Variants in CAMTA1 observed in about 807,000 individuals in gnomAD.
The protein encoded by CAMTA1 is calmodulin-binding transcription activator 1.
A neutral mutation model predicts 170.9 loss-of-function variants in CAMTA1; 27 were observed. That is an observed-to-expected ratio of 0.16 (90% CI 0.12 to 0.22). The LOEUF (loss-of-function observed/expected upper bound fraction) is 0.22, where lower values mean the gene tolerates loss of function less well. Among genes scored for constraint, CAMTA1 ranks in the 10% least tolerant of loss-of-function variants. The pLI is 1.00. For synonymous variants in CAMTA1, 833 were observed against 891.5 expected (o/e 0.93, Z 1.17); for missense variants, 1,619 against 2,217.2 (o/e 0.73, Z 5.42).
intron 5 of CAMTA1, among the ~76,000 whole-genome samples, chr1:7,427,679 A>G (rs1454732342): frequency 2.0e-5 from 3 of 152,122 alleles, no homozygotes; most frequent in Non-Finnish European, 4.4e-5. Flanking sequence ...ATTTTTAGCA[A>G]TGGGAAATTA....
intron 5 of CAMTA1, among the ~76,000 whole-genome samples, chr1:7,278,647 G>A (rs7549583): frequency 0.21 from 31,429 of 151,828 alleles, 3,486 homozygotes; most frequent in East Asian, 0.44. Context: ...CCAATCCTGA[G>A]TTTTTGACTT....
chr1:7,319,484 C>T (rs1430994769), intron 5 of CAMTA1, among the ~76,000 whole-genome samples: 1 of 152,112 alleles, frequency 6.6e-6, no homozygotes, highest in Admixed American at 6.5e-5. Flanking sequence ...TTGTAAGTTC[C>T]CTGAGGCCTC....
intron 6 of CAMTA1, among the ~76,000 whole-genome samples, chr1:7,627,762 A>G (rs905241698): frequency 1.3e-5 from 2 of 152,164 alleles, no homozygotes; most frequent in African/African-American, 2.4e-5. Context: ...TAGATTCTTT[A>G]TGTGTAAAGC....
At chr1:7,341,661 A>G (rs2083842879) in intron 5 of CAMTA1, among the ~76,000 whole-genome samples, 2 of 152,170 alleles carry the variant, frequency 1.3e-5, no homozygotes, top group African/African-American at 4.8e-5. Context: ...CATGGCTGCC[A>G]CCAGCCTAAT....
rs757682552 is a variant in CAMTA1, at chr1:7,751,365, C to T, written c.4856C>T (p.Thr1619Met). Residue 1619 changes from threonine to methionine, a missense_variant, in exon 20 of 23, where the codon ACG becomes ATG. Thr to Met is a moderately conservative substitution (Grantham distance 81, BLOSUM62 -1). Transcript: ENST00000303635. Reference sequence around the variant, plus strand: ...GGCAAAAGACGGCAGGCTCGCCGGACGGCTGTGATTGTACAACAGAAACTC... The same window carrying T: ...GGCAAAAGACGGCAGGCTCGCCGGATGGCTGTGATTGTACAACAGAAACTC... ...KCGKRRQARRTAVIVQQKLRS... is the reference protein window; with the variant it reads ...KCGKRRQARRMAVIVQQKLRS... The T allele has an allele frequency of 5.0e-6, 8 of 1,604,638 alleles. No homozygotes were observed. In the East Asian group the frequency reaches 8.9e-5, roughly 18 times the overall value.
intron 5 of CAMTA1, among the ~76,000 whole-genome samples, chr1:7,278,383 C>T (rs1282569841): frequency 1.3e-5 from 2 of 152,186 alleles, no homozygotes; most frequent in Admixed American, 1.3e-4. Context: ...ACAGCTCACT[C>T]TAGTGTCTTC....
At chr1:7,306,588 T>A (rs1477589843) in intron 5 of CAMTA1, among the ~76,000 whole-genome samples, 1 of 152,056 alleles carries the variant, frequency 6.6e-6, no homozygotes, top group African/African-American at 2.4e-5. Context: ...TTTAGTTTTC[T>A]TTTAAGAAAT....
intron 18 of CAMTA1, 49 bp downstream of exon 18, chr1:7,746,140 G>A (rs370200840): frequency 1.3e-6 from 2 of 1,582,280 alleles, no homozygotes; most frequent in Non-Finnish European, 1.7e-6. Flanking sequence ...AGATCAGAGA[G>A]GACAGATGAA....
Position 7,747,778 on chromosome 1 carries a change from A to G in CAMTA1, c.4686A>G (p.Lys1562=). The G allele has an allele frequency of 1.2e-6, 2 of 1,610,314 alleles. No individual in the cohort carries two copies. The highest frequency in any genetic ancestry group is 1.7e-4 in the Middle Eastern group (1 of 6,058). ...AVIQRCYRKY[K]QYALYKKMTQ... ...TTCAGCGTTGTTACAGAAAATATAA[A>G]CAGGTAAACCTCAGTTTTGCACCAC... The change falls in exon 19 of 23, where the codon AAA becomes AAG. Residue 1562 remains lysine, a synonymous_variant. Coordinates refer to ENST00000303635, the MANE Select transcript of CAMTA1 (RefSeq NM_015215.4).
chr1:7,755,182 C>T (rs1406629934), intron 21 of CAMTA1, among the ~76,000 whole-genome samples: 6 of 151,946 alleles, frequency 3.9e-5, no homozygotes, highest in Non-Finnish European at 7.4e-5. Context: ...AAAAAATTAG[C>T]TGGGCGTGGT....
chr1:6,951,190 A>C (rs2149475764), intron 3 of CAMTA1, among the ~76,000 whole-genome samples: 1 of 152,298 alleles, frequency 6.6e-6, no homozygotes, highest in South Asian at 2.1e-4. Flanking sequence ...AAAGGATAAA[A>C]ACTCACAGTT....
chr1:7,264,912 T>C (rs1668677371), intron 5 of CAMTA1, among the ~76,000 whole-genome samples: 1 of 152,190 alleles, frequency 6.6e-6, no homozygotes, highest in Non-Finnish European at 1.5e-5. Context: ...AAGTTTGACT[T>C]TTGTTTATAA....
At chr1:6,923,931 C>T (rs1361405273) in intron 3 of CAMTA1, among the ~76,000 whole-genome samples, 1 of 152,152 alleles carries the variant, frequency 6.6e-6, no homozygotes, top group Non-Finnish European at 1.5e-5. Context: ...AACAATTCCC[C>T]AAGGTGTAGA....
intron 3 of CAMTA1, among the ~76,000 whole-genome samples, chr1:7,021,637 A>G (rs1283142437): frequency 2.0e-5 from 3 of 152,218 alleles, no homozygotes; most frequent in Admixed American, 6.5e-5. Flanking sequence ...GATTGCGGTG[A>G]CAGTTTCCCA....
intron 5 of CAMTA1, among the ~76,000 whole-genome samples, chr1:7,261,858 T>C (rs1668226922): frequency 6.6e-6 from 1 of 152,254 alleles, no homozygotes; most frequent in South Asian, 2.1e-4. Context: ...TGACTTCTTT[T>C]TCTTTCAAAA....
intron 3 of CAMTA1, among the ~76,000 whole-genome samples, chr1:7,077,991 CACACACACACACACACAT>C (rs1639531435): frequency 1.2e-5 from 1 of 83,480 alleles, no homozygotes; most frequent in Admixed American, 1.0e-4. Flanking sequence ...AGCTTGCGTG[CACACACACACACACACAT>C]ACACACACTC....
chr1:7,435,273 G>A lies in CAMTA1; in HGVS notation c.439-32557G>A, dbSNP rs2092309911. Among the ~76,000 whole-genome samples, 1 of 152,140 alleles carries A rather than the reference G, an allele frequency of 6.6e-6. No homozygotes were observed. The highest frequency in any genetic ancestry group is 6.5e-5 in the Admixed American group (1 of 15,270). On this transcript the variant is annotated intron_variant, in intron 5 of 22. Coordinates refer to ENST00000303635, the MANE Select transcript of CAMTA1 (RefSeq NM_015215.4). The surrounding 1 kb of genome is among the most constrained non-coding windows in gnomAD (Gnocchi z 4.4). Reference sequence around the variant, plus strand: ...TTTGCCTAGACCTGCTGAGCTCACAGTCCAGTGGGGAGATCAGGCCCCAGG... The same window carrying A: ...TTTGCCTAGACCTGCTGAGCTCACAATCCAGTGGGGAGATCAGGCCCCAGG...
intron 22 of CAMTA1, among the ~76,000 whole-genome samples, chr1:7,763,446 C>T (rs778320773): frequency 6.6e-6 from 1 of 152,170 alleles, no homozygotes; most frequent in Non-Finnish European, 1.5e-5. Context: ...TCTCATTTTT[C>T]CTGCGTAGAC....
chr1:6,833,636 C>T (rs1651497264), intron 3 of CAMTA1, among the ~76,000 whole-genome samples: 1 of 152,128 alleles, frequency 6.6e-6, no homozygotes, highest in Admixed American at 6.5e-5. Context: ...TTGTATAAGT[C>T]TGTCATTAAG....
Sources: gnomAD v4.1 joint callset for allele counts (sites outside exome capture counted in the v4.1 genomes callset) on GRCh38, gnomAD v4.1.1 for gene constraint, Gnocchi (gnomAD v3.1) non-coding constraint, MANE v1.5 for transcripts, NCBI Gene and HGNC (gene_info 2026-07-23, HGNC 2026-07-21) for gene names.